Variants in ZBTB4 observed in about 807,000 individuals in gnomAD.
The protein encoded by ZBTB4 is zinc finger and BTB domain containing 4.
ZBTB4 carries 14 observed loss-of-function variants against 59.8 expected under a neutral mutation model. That is an observed-to-expected ratio of 0.23 (90% confidence interval 0.15 to 0.37). The LOEUF (loss-of-function observed/expected upper bound fraction) is 0.37, where lower values mean the gene tolerates loss of function less well. Ranked by LOEUF, ZBTB4 falls within the 10% of genes least tolerant of loss-of-function variation. The pLI is 1.00. For synonymous variants in ZBTB4, 587 were observed against 575.2 expected (o/e 1.02, Z -0.29); for missense variants, 1,198 against 1,380.8 (o/e 0.87, Z 2.10).
intron 1 of ZBTB4, among the ~76,000 whole-genome samples, chr17:7,468,629 C>T (rs916471770): frequency 3.9e-5 from 6 of 152,196 alleles, no homozygotes; most frequent in African/African-American, 9.6e-5. Context: ...GGACCCTCTC[C>T]TCTGCCCTCC....
rs893836990 is a variant in ZBTB4, at chr17:7,459,894, C to T, written c.*2046G>A. On this transcript the variant is annotated 3_prime_UTR_variant, in exon 4 of 4. Coordinates refer to ENST00000380599, the MANE Select transcript of ZBTB4 (RefSeq NM_001128833.2). ...TCCTCAACCCTTCCATTTTCCCATG[C>T]CTGTTTGCCTCAGAGGAGTATGGGT... 1.3e-5 allele frequency: 2 copies of T among 152,584 alleles called. No individual in the cohort carries two copies. Among genetic ancestry groups the T allele is most frequent in the Non-Finnish European group, 2.9e-5 (2 of 68,044 alleles). The allele number at this position is 152,584 out of a possible 1,614,324, so 9.5% of individuals were successfully genotyped here.
At chr17:7,464,168 G>A (rs1341800206) in intron 3 of ZBTB4, among the ~76,000 whole-genome samples, 1 of 152,188 alleles carries the variant, frequency 6.6e-6, no homozygotes, top group Non-Finnish European at 1.5e-5. Context: ...AACGACTTAC[G>A]AACAGGGACA....
chr17:7,472,012 G>A (rs952314254), intron 1 of ZBTB4, among the ~76,000 whole-genome samples: 2 of 152,010 alleles, frequency 1.3e-5, no homozygotes, highest in African/African-American at 2.4e-5. Flanking sequence ...TACATCTTGC[G>A]GTTCCCTCTG....
upstream of ZBTB4, among the ~76,000 whole-genome samples, chr17:7,480,584 G>A (rs2070331637): frequency 1.3e-5 from 2 of 152,158 alleles, no homozygotes; most frequent in Admixed American, 6.5e-5. Flanking sequence ...GCCGGGCGTG[G>A]TGGCGGGCGC....
chr17:7,468,098 C>T (rs1199385257), intron 1 of ZBTB4, among the ~76,000 whole-genome samples: 1 of 152,230 alleles, frequency 6.6e-6, no homozygotes, highest in African/African-American at 2.4e-5. Context: ...AGGCCAGGCG[C>T]GGGGGCTCAC....
chr17:7,467,580 G>A (rs2150856710), intron 1 of ZBTB4, among the ~76,000 whole-genome samples: 2 of 152,292 alleles, frequency 1.3e-5, no homozygotes, highest in South Asian at 4.1e-4. Flanking sequence ...GAGAAGTACA[G>A]TGACAAGATA....
At position 7,467,331 on chromosome 17, in the gene ZBTB4, C is replaced by T. The variant is rs1297915423; in HGVS notation, c.-80-4G>A. The stretch of plus-strand genomic sequence containing the variant: ...CCTTCTGCTGGGCCTCTTCCTTCTG[C>T]GGAGAAACAGAAATTATGTCAGGGG... On this transcript the variant is annotated splice_polypyrimidine_tract_variant and splice_region_variant and intron_variant, in intron 1 of 3. Transcript: ENST00000380599. 2.3e-5 allele frequency: 20 copies of T among 855,212 alleles called. No homozygotes were observed. The highest frequency in any genetic ancestry group is 6.2e-5 in the Admixed American group (1 of 16,160). The allele number at this position is 855,212 out of a possible 1,614,324, so 53.0% of individuals were successfully genotyped here.
chr17:7,473,279 AT>A (rs1295007861), intron 1 of ZBTB4, among the ~76,000 whole-genome samples: 2 of 150,182 alleles, frequency 1.3e-5, no homozygotes, highest in African/African-American at 2.5e-5. Flanking sequence ...CTCCCGGCTA[AT>A]TTTTTTTTGT....
intron 1 of ZBTB4, among the ~76,000 whole-genome samples, chr17:7,469,919 T>C (rs1206357208): frequency 6.6e-6 from 1 of 151,642 alleles, no homozygotes; most frequent in Non-Finnish European, 1.5e-5. Flanking sequence ...CTCTCTCTAC[T>C]GAAAATACAA....
chr17:7,464,738 T>C (rs2070087665), intron 3 of ZBTB4, among the ~76,000 whole-genome samples: 1 of 149,206 alleles, frequency 6.7e-6, no homozygotes, highest in South Asian at 2.1e-4. Flanking sequence ...CTCGGGAAGC[T>C]GAGGCAGGAG....
upstream of ZBTB4, chr17:7,481,558 T>C: frequency 2.8e-6 from 4 of 1,444,900 alleles, no homozygotes; most frequent in South Asian, 1.4e-5. Flanking sequence ...TCCCTCCCTA[T>C]AGCTCCTGGT....
chr17:7,465,526 C>G (rs2070107413), intron 3 of ZBTB4, among the ~76,000 whole-genome samples, 185 bp downstream of exon 3: 1 of 151,954 alleles, frequency 6.6e-6, no homozygotes, highest in South Asian at 2.1e-4. Flanking sequence ...GTTGTCCAGG[C>G]TCGTCCCAGA....
chr17:7,464,033 G>T, intron 3 of ZBTB4, 143 bp from the exon 4 acceptor site: 1 of 1,416,268 alleles, frequency 7.1e-7, no homozygotes, highest in East Asian at 2.4e-5. Context: ...GCCAGCCTCA[G>T]TGCAGGGTGC....
intron 3 of ZBTB4, among the ~76,000 whole-genome samples, chr17:7,464,842 A>G (rs2070090578): frequency 1.3e-5 from 2 of 149,202 alleles, no homozygotes; most frequent in African/African-American, 5.0e-5. Context: ...GGTCTTAAAA[A>G]AAAAAAATGC....
At chr17:7,476,453 G>A (rs1305026691) in intron 1 of ZBTB4, among the ~76,000 whole-genome samples, 1 of 152,186 alleles carries the variant, frequency 6.6e-6, no homozygotes, top group East Asian at 1.9e-4. Context: ...TTTGAGTCCA[G>A]CCTGGGCAAT....
Position 7,462,599 on chromosome 17 carries a change from T to C in ZBTB4, c.2383A>G (p.Thr795Ala). ...GAATAGGCAATGACAGGGGTTGGGG[T>C]GCCCCCGGGCCGCTCAGCAGCATGC... ...QRHAAERPGG[T>A]PTPVIAYSKG... The change falls in exon 4 of 4, where the codon ACC (threonine) becomes GCC (alanine). Residue 795 changes from threonine (T) to alanine (A), a missense_variant. This residue lies in a region of ZBTB4 where 550 missense variants were observed against 541.8 expected (regional missense o/e 1.02). Transcript: ENST00000380599. The surrounding 1 kb of genome is among the most constrained non-coding windows in gnomAD (Gnocchi z 7.5). The C allele has an allele frequency of 6.2e-7, 1 of 1,611,586 alleles. No individual in the cohort carries two copies. Among genetic ancestry groups the C allele is most frequent in the Non-Finnish European group, 8.5e-7 (1 of 1,178,986 alleles).
rs969404554 is a variant in ZBTB4, at chr17:7,466,864, G to A, written c.-9-54C>T. The A allele has an allele frequency of 1.4e-5, 21 of 1,450,574 alleles. No homozygotes were observed. Among genetic ancestry groups the A allele is most frequent in the African/African-American group, 8.5e-5 (6 of 70,178 alleles). 89.9% of individuals were successfully genotyped at this position (1,450,574 alleles called of 1,614,324 possible). On this transcript the variant is annotated intron_variant, in intron 2 of 3. Transcript: ENST00000380599. This position sits in a 1 kb window ranked among gnomAD's most constrained non-coding sequence, Gnocchi z 9.1. The stretch of plus-strand genomic sequence containing the variant: ...AGTCTCAGAGGCTGGGCAGAGGGCA[G>A]GGGCTTCTAAAATCAGGCAGAGAGA...
Position 7,466,618 on chromosome 17 carries a change from A to C in ZBTB4, c.184T>G (p.Ser62Ala). The C allele has an allele frequency of 6.2e-7, 1 of 1,613,878 alleles. No homozygotes were observed. The highest frequency in any genetic ancestry group is 2.2e-5 in the East Asian group (1 of 44,872). The part of the protein sequence containing the change: ...SPFFREALLT[S>A]APLPLPPATG... ...GCTGGTGGAAGGGGTAGTGGGGCTG[A>C]AGTGAGCAGGGCCTCTCTGAAGAAG... The change falls in exon 3 of 4, where the codon TCA (serine) becomes GCA (alanine). Residue 62 changes from serine to alanine, a missense_variant. This residue lies in a region of ZBTB4 where 83 missense variants were observed against 76.5 expected (regional missense o/e 1.09). Transcript: ENST00000380599. The surrounding 1 kb of genome is among the most constrained non-coding windows in gnomAD (Gnocchi z 9.1).
At chr17:7,464,028 C>T in intron 3 of ZBTB4, 138 bp from the exon 4 acceptor site, 1 of 1,433,980 alleles carries the variant, frequency 7.0e-7, no homozygotes, top group East Asian at 2.4e-5. Context: ...ACCAGGCCAG[C>T]CTCAGTGCAG....
Sources: allele counts gnomAD v4.1 joint callset (sites outside exome capture counted in the v4.1 genomes callset), GRCh38; gene constraint gnomAD v4.1.1; regional missense constraint gnomAD v4.1.1; non-coding constraint Gnocchi (gnomAD v3.1); transcripts MANE v1.5; gene names NCBI Gene and HGNC (gene_info 2026-07-23, HGNC 2026-07-21).